The following PGA3 variants were observed in gnomAD, a reference collection of about 807,000 sequenced individuals.
The protein encoded by PGA3 is pepsinogen A3.
Under a neutral mutation model 15.6 loss-of-function variants are expected in PGA3, and 1 was observed. The observed-to-expected ratio is 0.06, with a 90% CI of 0.02 to 0.30. The LOEUF (loss-of-function observed/expected upper bound fraction) is 0.30, where lower values mean the gene tolerates loss of function less well. Ranked by LOEUF, PGA3 falls within the 10% of genes least tolerant of loss-of-function variation. The probability of loss-of-function intolerance (pLI) is 1.00; values close to 1 mark genes in which losing one functional copy is unlikely to be tolerated. For synonymous variants in PGA3, 14 were observed against 79.5 expected (o/e 0.18, Z 4.38); for missense variants, 29 against 183.7 (o/e 0.16, Z 4.87).
At position 61,207,532 on chromosome 11, in the gene PGA3, A is replaced by ACTACCTGGAAGTGGTGG. The variant is rs2134694331; in HGVS notation, c.374_375insTACCTGGAAGTGGTGGC (p.Tyr126ThrfsTer23). 1 of 902,562 alleles carries ACTACCTGGAAGTGGTGG rather than the reference A, an allele frequency of 1.1e-6. No homozygotes were observed. The highest frequency in any genetic ancestry group is 2.3e-5 in the East Asian group (1 of 42,886). 55.9% of individuals were successfully genotyped at this position (902,562 alleles called of 1,614,324 possible). A position where few individuals can be genotyped will look rare whatever the true frequency, so the allele number is the denominator to read the frequency against. Reference sequence around the variant, plus strand: ...CCGCTTCAACCCTGAGGATTCTTCCACCTACCAGTCCACCAGCGAGACAGT... The same window carrying ACTACCTGGAAGTGGTGG: ...CCGCTTCAACCCTGAGGATTCTTCCACTACCTGGAAGTGGTGGCCTACCAGTCCACCAGCGAGACAGT... On this transcript the variant is annotated frameshift_variant, in exon 4 of 9. Transcript: ENST00000325558. LOFTEE classifies it high-confidence loss of function.
At chr11:61,211,685 G>A (rs1853949595) in intron 8 of PGA3, among the ~76,000 whole-genome samples, 1 of 150,296 alleles carries the variant, frequency 6.7e-6, no homozygotes, top group South Asian at 2.1e-4. Flanking sequence ...ATTCTATTTG[G>A]ACCCCTGGGT....
rs1256445634 is a variant in PGA3 at position 61,206,334 on chromosome 11, C to T, written c.220-176C>T. On this transcript the variant is annotated intron_variant, in intron 2 of 8. Coordinates refer to ENST00000325558, the MANE Select transcript of PGA3 (RefSeq NM_001079807.4). ...AGGGAAGACTTCAAGGAGGAAGGGA[C>T]GCCAGGGCTGGGATTTGAAGGATGA... 9.2e-5 allele frequency: 5 copies of T among 54,534 alleles called. No homozygotes were observed. The South Asian group carries it at 1.5e-3, about 16-fold the overall frequency. The allele number at this position is 54,534 out of a possible 1,614,324, so 3.4% of individuals were successfully genotyped here.
chr11:61,205,029 G>T (rs375737084), intron 2 of PGA3, among the ~76,000 whole-genome samples: 2 of 152,306 alleles, frequency 1.3e-5, no homozygotes, highest in Non-Finnish European at 2.9e-5. Flanking sequence ...AGGGCACAAA[G>T]CAGTGATGCC....
At chr11:61,205,566 T>C (rs1853916497) in intron 2 of PGA3, 1 of 146,986 alleles carries the variant, frequency 6.8e-6, no homozygotes, top group Non-Finnish European at 1.5e-5. Context: ...AGCTGAATGA[T>C]TGATTTTTGA....
In PGA3 at chr11:61,206,092, T is replaced by C. The variant is rs2134693677; in HGVS notation, c.220-418T>C. Reference sequence around the variant, plus strand: ...AGAAAACTGGACAGGTTTCCATCTTTAAGTGGCTTGCTTAGCTTCTGATAA... The same window carrying C: ...AGAAAACTGGACAGGTTTCCATCTTCAAGTGGCTTGCTTAGCTTCTGATAA... On this transcript the variant is annotated intron_variant, in intron 2 of 8. Coordinates refer to ENST00000325558, the MANE Select transcript of PGA3 (RefSeq NM_001079807.4). The C allele has an allele frequency of 8.7e-6, 2 of 229,092 alleles. 1 individual carries two copies. Among genetic ancestry groups the C allele is most frequent in the Non-Finnish European group, 1.9e-5 (2 of 107,720 alleles). 14.2% of individuals were successfully genotyped at this position (229,092 alleles called of 1,614,324 possible).
At chr11:61,205,120 G>A (rs1366975847) in intron 2 of PGA3, among the ~76,000 whole-genome samples, 1 of 151,986 alleles carries the variant, frequency 6.6e-6, no homozygotes, top group Non-Finnish European at 1.5e-5. Context: ...ACAGGACCTT[G>A]GCCAAGTCAT....
At chr11:61,211,511 A>C (rs1300421795) in intron 8 of PGA3, 76 bp downstream of exon 8, 5 of 1,367,152 alleles carry the variant, frequency 3.7e-6, no homozygotes, top group Non-Finnish European at 3.1e-6. Context: ...GCAGACGGAA[A>C]GTACACTTCC....
rs752761391 is a variant in PGA3, at chr11:61,203,591, G to A, written c.27G>A (p.Leu9=). 1.5e-5 allele frequency: 24 copies of A among 1,608,026 alleles called. No homozygotes were observed. The highest frequency in any genetic ancestry group is 1.9e-5 in the Non-Finnish European group (22 of 1,177,394). MKWLLLLG[L]VALSECIMYK... is the part of the protein sequence containing the mutation. ...TGAAGTGGCTGCTGCTGCTGGGTCT[G>A]GTGGCACTCTCTGAGTGCATCATGT... Residue 9 remains leucine (L), a synonymous_variant, in exon 1 of 9, where the codon CTG becomes CTA. Transcript: ENST00000325558.
Position 61,207,378 on chromosome 11 carries a change from AG to A in PGA3, c.338-117del. 4 of 1,297,052 alleles carry A rather than the reference AG, an allele frequency of 3.1e-6. No individual in the cohort carries two copies. The Middle Eastern group carries it at 8.6e-4, about 280-fold the overall frequency. 80.3% of individuals were successfully genotyped at this position (1,297,052 alleles called of 1,614,324 possible). ...TTGGGCTCCAAGGGTCTAGGGCGAA[AG>A]GTCACTGCTCACCTCCAGAGCCCGT... On this transcript the variant is annotated intron_variant, in intron 3 of 8. Coordinates refer to ENST00000325558, the MANE Select transcript of PGA3 (RefSeq NM_001079807.4).
intron 2 of PGA3, among the ~76,000 whole-genome samples, chr11:61,204,892 A>G: frequency 6.6e-6 from 1 of 152,208 alleles, no homozygotes; most frequent in Non-Finnish European, 1.5e-5. Context: ...TATCTTAAAC[A>G]GGGGTGTGAC....
At chr11:61,205,840 T>C (rs1266322359) in intron 2 of PGA3, 2 of 98,450 alleles carry the variant, frequency 2.0e-5, no homozygotes, top group Non-Finnish European at 4.7e-5. Flanking sequence ...CTACTAAAAA[T>C]ACAAAAATTT....
rs775236717 is a variant in PGA3 at position 61,203,628 on chromosome 11, C to G, written c.56+8C>G. Reference sequence around the variant, plus strand: ...TGAGTGCATCATGTACAAGTGAGTCCGGGTGGTGTGGGTGTGAAGACGCTG... The same window carrying G: ...TGAGTGCATCATGTACAAGTGAGTCGGGGTGGTGTGGGTGTGAAGACGCTG... On this transcript the variant is annotated splice_region_variant and intron_variant, in intron 1 of 8. Coordinates refer to ENST00000325558, the MANE Select transcript of PGA3 (RefSeq NM_001079807.4). 1 of 1,603,984 alleles carries G rather than the reference C, an allele frequency of 6.2e-7. No homozygotes were observed. Among genetic ancestry groups the G allele is most frequent in the Non-Finnish European group, 8.5e-7 (1 of 1,173,202 alleles).
chr11:61,211,959 T>G (rs1853953397), intron 8 of PGA3, among the ~76,000 whole-genome samples: 1 of 149,044 alleles, frequency 6.7e-6, no homozygotes, highest in African/African-American at 2.4e-5. Flanking sequence ...ACAAGAAAAC[T>G]CTTTCCCTTC....
At chr11:61,211,569 A>G in intron 8 of PGA3, 134 bp downstream of exon 8, 1 of 1,145,272 alleles carries the variant, frequency 8.7e-7, no homozygotes, top group Non-Finnish European at 1.3e-6. Flanking sequence ...TGCCCTAGAC[A>G]GCCTCCAGAG....
chr11:61,208,174 AC>A, intron 4 of PGA3, 116 bp from the exon 5 acceptor site: 6 of 22,148 alleles, frequency 2.7e-4, no homozygotes, highest in East Asian at 1.8e-3. Context: ...CCGGGCTGAT[AC>A]CCTGGAAGCC....
chr11:61,205,482 A>C (rs582338), intron 2 of PGA3, among the ~76,000 whole-genome samples: 2 of 151,732 alleles, frequency 1.3e-5, no homozygotes, highest in Admixed American at 6.6e-5. Flanking sequence ...TGGGGAACAA[A>C]AAGATTGAGA....
rs1414204684 is a variant in PGA3 at position 61,203,708 on chromosome 11, C to T, written c.56+88C>T. The T allele has an allele frequency of 5.6e-6, 9 of 1,603,984 alleles. 1 individual carries two copies. The highest frequency in any genetic ancestry group is 4.2e-5 in the African/African-American group (3 of 71,630). ...GTCTTCCTTCTTCCCTTTTTTCTCC[C>T]TCTCTATTCAGCTGTCTCCATCCCC... On this transcript the variant is annotated intron_variant, in intron 1 of 8. Coordinates refer to ENST00000325558, the MANE Select transcript of PGA3 (RefSeq NM_001079807.4).
chr11:61,211,870 A>T (rs1402275011), intron 8 of PGA3, among the ~76,000 whole-genome samples: 2 of 151,300 alleles, frequency 1.3e-5, no homozygotes, highest in East Asian at 3.8e-4. Flanking sequence ...GGGCAAATGG[A>T]AATCCTAATT....
chr11:61,204,581 G>A (rs1235683591), intron 2 of PGA3: 3 of 577,232 alleles, frequency 5.2e-6, no homozygotes, highest in South Asian at 4.3e-5. Context: ...AGTCATCAAG[G>A]GGTCTCGCAA....
Sources: allele counts gnomAD v4.1 joint callset (sites outside exome capture counted in the v4.1 genomes callset), GRCh38; gene constraint gnomAD v4.1.1; transcripts MANE v1.5; gene names NCBI Gene and HGNC (gene_info 2026-07-23, HGNC 2026-07-21).